GALNT2: variants seen among roughly 807,000 people sequenced by gnomAD.
GALNT2 encodes the protein polypeptide N-acetylgalactosaminyltransferase 2.
In GALNT2, 31 loss-of-function variants were observed where a neutral mutation model predicts 81.4. That is an observed-to-expected ratio of 0.38 (90% CI 0.29 to 0.51). The LOEUF is 0.51. GALNT2 is among the 20% of genes least tolerant of loss of function. The pLI is 0.87. For missense variants in GALNT2, 629 were observed against 765.7 expected, an observed-to-expected ratio of 0.82 and a Z score of 2.11; for synonymous variants, 303 against 287.4, an observed-to-expected ratio of 1.05 and a Z score of -0.55.
At chr1:230,084,820 G>A (rs1302915816) in intron 1 of GALNT2, among the ~76,000 whole-genome samples, 1 of 152,200 alleles carries the variant, frequency 6.6e-6, no homozygotes, top group Admixed American at 6.5e-5. Flanking sequence ...TGGTTTGGCA[G>A]CATGCTTGGG....
intron 1 of GALNT2, among the ~76,000 whole-genome samples, chr1:230,062,090 A>AT (rs1659063423): frequency 6.6e-6 from 1 of 152,022 alleles, no homozygotes; most frequent in East Asian, 1.9e-4. Flanking sequence ...CAAACTTTTG[A>AT]TTTTTTACCG....
At chr1:230,258,819 A>G (rs1160832103) in intron 11 of GALNT2, 2 of 152,216 alleles carry the variant, frequency 1.3e-5, no homozygotes, top group African/African-American at 4.8e-5. Context: ...CTTTATATAG[A>G]CATATCAGAC....
At chr1:230,177,520 C>T (rs1053074516) in intron 1 of GALNT2, among the ~76,000 whole-genome samples, 5 of 152,166 alleles carry the variant, frequency 3.3e-5, no homozygotes, top group South Asian at 2.1e-4. Context: ...GCTCTGTGGT[C>T]GTGCAGTTGT....
intron 14 of GALNT2, among the ~76,000 whole-genome samples, chr1:230,272,784 T>G (rs1666189437): frequency 6.6e-6 from 1 of 152,152 alleles, no homozygotes; most frequent in Non-Finnish European, 1.5e-5. Context: ...TCAGTTCGGT[T>G]TGGAGACAGG....
chr1:230,266,793 G>T (rs1471916), intron 14 of GALNT2, among the ~76,000 whole-genome samples: 124,087 of 152,124 alleles, frequency 0.82, 51,293 homozygotes, highest in East Asian at 0.98. Flanking sequence ...GATACTTGGC[G>T]TTGATGAGTT....
intron 1 of GALNT2, among the ~76,000 whole-genome samples, chr1:230,141,493 T>C (rs1398596775): frequency 6.6e-6 from 1 of 152,152 alleles, no homozygotes; most frequent in Non-Finnish European, 1.5e-5. Flanking sequence ...ACTTTCTGTC[T>C]TCATGAATTT....
intron 11 of GALNT2, chr1:230,255,554 A>G: frequency 1.7e-6 from 1 of 599,738 alleles, no homozygotes; most frequent in Non-Finnish European, 2.9e-6. Flanking sequence ...TGAGAGAAGC[A>G]GTTACATACA....
At chr1:230,219,648 C>T (rs573421894) in intron 3 of GALNT2, among the ~76,000 whole-genome samples, 4 of 152,234 alleles carry the variant, frequency 2.6e-5, no homozygotes, top group African/African-American at 4.8e-5. Flanking sequence ...CTGCAGTAGC[C>T]GGTCCTGCCT....
intron 3 of GALNT2, among the ~76,000 whole-genome samples, chr1:230,234,882 T>G (rs1440293830): frequency 6.6e-6 from 1 of 152,162 alleles, no homozygotes; most frequent in Non-Finnish European, 1.5e-5. Flanking sequence ...ATATGATACT[T>G]TAGCATCTTC....
chr1:230,255,966 A>C (rs963227160), intron 11 of GALNT2, among the ~76,000 whole-genome samples: 6 of 152,226 alleles, frequency 3.9e-5, no homozygotes, highest in Non-Finnish European at 7.3e-5. Flanking sequence ...GAGAAGTCCA[A>C]GATCAAGGTG....
Position 230,246,154 on chromosome 1 carries a change from G to A in GALNT2, c.817+4G>A. On this transcript the variant is annotated splice_donor_region_variant and intron_variant, in intron 8 of 15. Coordinates refer to ENST00000366672, the MANE Select transcript of GALNT2 (RefSeq NM_004481.5). ...GCATCTGCTGACTTGAAGGGCGGTA[G>A]GTGTCTGTCATGGTGCCCCTGCCTA... 3 of 1,611,300 alleles carry A rather than the reference G, an allele frequency of 1.9e-6. No individual in the cohort carries two copies. Among genetic ancestry groups the A allele is most frequent in the Non-Finnish European group, 2.5e-6 (3 of 1,177,476 alleles).
chr1:230,067,852 G>A (rs991408463), intron 1 of GALNT2, among the ~76,000 whole-genome samples: 4 of 152,226 alleles, frequency 2.6e-5, no homozygotes, highest in Non-Finnish European at 5.9e-5. Context: ...GATACCAGCG[G>A]CTGCAAATCC....
chr1:230,265,225 T>A lies in GALNT2; in HGVS notation c.1314-16T>A. 2 of 1,614,194 alleles carry A rather than the reference T, an allele frequency of 1.2e-6. No individual in the cohort carries two copies. The highest frequency in any genetic ancestry group is 1.7e-6 in the Non-Finnish European group (2 of 1,180,008). On this transcript the variant is annotated splice_polypyrimidine_tract_variant and intron_variant, in intron 13 of 15. Transcript: ENST00000366672. ...TCATGTGCAGTGAAGCAGGTGATTC[T>A]CACGTTGTTTTTCAGGGTTCCAGAC... is the stretch of plus-strand genomic sequence containing the variant.
chr1:230,177,375 T>G (rs1184985399), intron 1 of GALNT2, among the ~76,000 whole-genome samples: 1 of 152,226 alleles, frequency 6.6e-6, no homozygotes, highest in Admixed American at 6.5e-5. Context: ...AATGGCCAGC[T>G]GACAATGCTT....
At chr1:230,276,473 C>T (rs1666311465) in intron 15 of GALNT2, among the ~76,000 whole-genome samples, 1 of 152,162 alleles carries the variant, frequency 6.6e-6, no homozygotes, top group Non-Finnish European at 1.5e-5. Flanking sequence ...TAGTCTAACC[C>T]TGATTTCACA....
At chr1:230,202,689 A>G (rs1473717095) in intron 2 of GALNT2, among the ~76,000 whole-genome samples, 1 of 152,242 alleles carries the variant, frequency 6.6e-6, no homozygotes, top group Non-Finnish European at 1.5e-5. Flanking sequence ...TATTTTTTGT[A>G]TAAACATTTA....
chr1:230,087,652 G>A (rs769930076), intron 1 of GALNT2, among the ~76,000 whole-genome samples: 3 of 152,208 alleles, frequency 2.0e-5, no homozygotes, highest in Non-Finnish European at 2.9e-5. Flanking sequence ...TGACTCTCAC[G>A]CAGTCAGGTC....
intron 1 of GALNT2, among the ~76,000 whole-genome samples, chr1:230,136,701 CTAT>C (rs1174842500): frequency 3.3e-5 from 5 of 152,166 alleles, no homozygotes; most frequent in Admixed American, 6.5e-5. Context: ...CGCTTTGATG[CTAT>C]TATTAGAATT....
At chr1:230,141,253 C>G (rs1034145081) in intron 1 of GALNT2, among the ~76,000 whole-genome samples, 2 of 152,194 alleles carry the variant, frequency 1.3e-5, no homozygotes, top group East Asian at 1.9e-4. Context: ...GCAGAAGGGA[C>G]TCGTACAGGC....
Sources: allele counts gnomAD v4.1 joint callset (sites outside exome capture counted in the v4.1 genomes callset), GRCh38; gene constraint gnomAD v4.1.1; transcripts MANE v1.5; gene names NCBI Gene and HGNC (gene_info 2026-07-23, HGNC 2026-07-21).